The following ANO7 variants were observed in gnomAD, a reference collection of about 807,000 sequenced individuals.
The protein encoded by ANO7 is anoctamin-7.
A neutral mutation model predicts 115.8 loss-of-function variants in ANO7; 114 were observed. The ratio of observed to expected loss-of-function variants is 0.98; its 90% confidence interval spans 0.85 to 1.15. ANO7 has a LOEUF of 1.15. Ranked by LOEUF, ANO7 falls within the 50% of genes most tolerant of loss-of-function variation. The pLI is 0.00. For missense variants in ANO7, 1,302 were observed against 1,201.2 expected (o/e 1.08, Z -1.24); for synonymous variants, 550 against 498.2 (o/e 1.10, Z -1.38).
intron 2 of ANO7, among the ~76,000 whole-genome samples, 176 bp from the exon 3 acceptor site, chr2:241,191,018 G>T (rs2068187861): frequency 6.6e-6 from 1 of 152,168 alleles, no homozygotes; most frequent in Non-Finnish European, 1.5e-5. Flanking sequence ...CAGCAGAGGG[G>T]CTTCCCCCTC....
At chr2:241,226,869 G>A (rs551431409), downstream of ANO7, among the ~76,000 whole-genome samples, 9 of 152,080 alleles carry the variant, frequency 5.9e-5, no homozygotes, top group South Asian at 1.0e-3. Flanking sequence ...CCCACTCAAC[G>A]CCCCTCCCTC....
intron 22 of ANO7, 24 bp from the exon 23 acceptor site, chr2:241,223,638 G>T (rs753209048): frequency 3.7e-6 from 6 of 1,608,238 alleles, no homozygotes; most frequent in Middle Eastern, 3.3e-4. Context: ...TTGGGTGGGC[G>T]TGAGTGCCTT....
At chr2:241,209,205 T>A in intron 11 of ANO7, 80 bp from the exon 12 acceptor site, 1 of 1,459,160 alleles carries the variant, frequency 6.9e-7, no homozygotes, top group East Asian at 2.5e-5. Flanking sequence ...CACACTCCCA[T>A]TCCAGGAGGA....
At chr2:241,227,143 C>G (rs897038408), downstream of ANO7, 2 of 151,734 alleles carry the variant, frequency 1.3e-5, no homozygotes, top group Non-Finnish European at 1.5e-5. Context: ...CAGTGTGGCT[C>G]CCGAGGGGCC....
intron 18 of ANO7, 114 bp from the exon 19 acceptor site, chr2:241,215,979 G>A: frequency 7.5e-7 from 1 of 1,333,504 alleles, no homozygotes; most frequent in South Asian, 1.4e-5. Context: ...CCTCCCTGCT[G>A]CCCTTCAATT....
At chr2:241,210,196 C>A in intron 13 of ANO7, 99 bp from the exon 14 acceptor site, 1 of 1,179,256 alleles carries the variant, frequency 8.5e-7, no homozygotes, top group Non-Finnish European at 1.3e-6. Context: ...AGTGCTGGGG[C>A]CAGCAGTGGA....
At chr2:241,226,600 A>C (rs1666139087), downstream of ANO7, among the ~76,000 whole-genome samples, 1 of 151,866 alleles carries the variant, frequency 6.6e-6, no homozygotes, top group Admixed American at 6.6e-5. Flanking sequence ...AATTTTTTGC[A>C]TTTTTAATAG....
intron 3 of ANO7, among the ~76,000 whole-genome samples, chr2:241,195,195 G>A (rs2068294050): frequency 6.6e-6 from 1 of 152,166 alleles, no homozygotes. Context: ...CCTGTCGTTT[G>A]GGAAATGCCC....
At chr2:241,200,726 G>T (rs979971950) in intron 6 of ANO7, among the ~76,000 whole-genome samples, 1 of 152,262 alleles carries the variant, frequency 6.6e-6, no homozygotes, top group Non-Finnish European at 1.5e-5. Context: ...GAAGTGGCAG[G>T]GACCACTGTC....
chr2:241,196,861 G>A (rs2068346987), intron 4 of ANO7, among the ~76,000 whole-genome samples: 1 of 117,728 alleles, frequency 8.5e-6, no homozygotes, highest in Non-Finnish European at 1.8e-5. Flanking sequence ...GTGTGTGTGT[G>A]TGTGTGTGTG....
At chr2:241,217,580 TG>T in intron 19 of ANO7, 105 bp from the exon 20 acceptor site, 3 of 1,276,452 alleles carry the variant, frequency 2.4e-6, no homozygotes, top group Non-Finnish European at 3.2e-6. Context: ...TGAGCCGCGA[TG>T]GGGTGGCGGC....
At position 241,224,315 on chromosome 2, in the gene ANO7, T is replaced by G. The variant is rs1269631719; in HGVS notation, c.*162T>G. On this transcript the variant is annotated 3_prime_UTR_variant, in exon 25 of 25. Transcript: ENST00000674324. ...CCTGCTTCCCCCCAGCGCCGGCTTCTCTCCTCAGAGCGCCTGTCACTCCAT... is the reference window on the plus strand; with the variant it reads ...CCTGCTTCCCCCCAGCGCCGGCTTCGCTCCTCAGAGCGCCTGTCACTCCAT... 1 of 766,830 alleles carries G rather than the reference T, an allele frequency of 1.3e-6. No homozygotes were observed. Among genetic ancestry groups the G allele is most frequent in the Non-Finnish European group, 2.1e-6 (1 of 482,264 alleles). The allele number at this position is 766,830 out of a possible 1,614,324, so 47.5% of individuals were successfully genotyped here. A position where few individuals can be genotyped will look rare whatever the true frequency, so the allele number is the denominator to read the frequency against.
downstream of ANO7, chr2:241,230,633 A>G (rs2069627704): frequency 1.2e-6 from 1 of 824,098 alleles, no homozygotes; most frequent in African/African-American, 1.7e-5. The surrounding 1 kb of genome is among the most constrained non-coding windows in gnomAD (Gnocchi z 5.0). Context: ...GGACAGTTCC[A>G]CTGCCAGCCC....
chr2:241,209,729 A>G (rs1253491961), intron 13 of ANO7, 94 bp downstream of exon 13: 19 of 1,459,528 alleles, frequency 1.3e-5, no homozygotes, highest in Non-Finnish European at 1.7e-5. Flanking sequence ...CCGTGGCCAG[A>G]TGCCTCCTCT....
the ANO7 span, chr2:241,236,891 A>C: frequency 5.7e-6 from 5 of 873,220 alleles, no homozygotes; most frequent in East Asian, 3.2e-5. Flanking sequence ...AGGGAAAACC[A>C]CTCCTGTCCT....
chr2:241,210,243 T>C, intron 13 of ANO7, 52 bp from the exon 14 acceptor site: 1 of 1,576,646 alleles, frequency 6.3e-7, no homozygotes, highest in Non-Finnish European at 8.7e-7. Flanking sequence ...CTGAGGGTGC[T>C]GGGGTGCCCA....
chr2:241,240,256 A>G, the ANO7 span: 4 of 821,580 alleles, frequency 4.9e-6, no homozygotes, highest in South Asian at 4.4e-5. The surrounding 1 kb of genome is among the most constrained non-coding windows in gnomAD (Gnocchi z 5.5). Context: ...TTGCACCAAT[A>G]CCCCCAAAAT....
At position 241,214,812 on chromosome 2, in the gene ANO7, C is replaced by A; in HGVS notation, c.1736C>A (p.Ala579Asp). 6.2e-7 allele frequency: 1 copy of A among 1,611,676 alleles called. No individual in the cohort carries two copies. The highest frequency in any genetic ancestry group is 1.7e-4 in the Middle Eastern group (1 of 6,058). Residue 579 changes from alanine to aspartate, a missense_variant, in exon 18 of 25, where the codon GCT (alanine) becomes GAT (aspartate). Coordinates refer to ENST00000674324, the MANE Select transcript of ANO7 (RefSeq NM_001370694.2). ...TGAGCCCTGCTGCCGTAGTGCGCGG[C>A]TGGAGGCTGCCTGATCGAGCTGGCA... Reference protein sequence around the residue: ...LFGVRNEECAAGGCLIELAQE... With the variant: ...LFGVRNEECADGGCLIELAQE...
At chr2:241,190,372 G>A (rs923464668) in intron 2 of ANO7, among the ~76,000 whole-genome samples, 6 of 152,304 alleles carry the variant, frequency 3.9e-5, no homozygotes, top group African/African-American at 1.4e-4. Flanking sequence ...TGGCCTGGCT[G>A]TGGAGAACCG....
Sources: allele counts gnomAD v4.1 joint callset (sites outside exome capture counted in the v4.1 genomes callset), GRCh38; gene constraint gnomAD v4.1.1; non-coding constraint Gnocchi (gnomAD v3.1); transcripts MANE v1.5; gene names NCBI Gene and HGNC (gene_info 2026-07-23, HGNC 2026-07-21).